NSD2: variants seen among roughly 807,000 people sequenced by gnomAD.
The protein encoded by NSD2 is nuclear receptor binding SET domain protein 2, also known as histone-lysine N-methyltransferase NSD2.
In NSD2, 12 loss-of-function variants were observed where a neutral mutation model predicts 139.0. The ratio of observed to expected loss-of-function variants is 0.09; its 90% CI spans 0.06 to 0.14. The LOEUF is 0.14. NSD2 is among the 10% of genes least tolerant of loss of function. The pLI is 1.00. For synonymous variants in NSD2, 669 were observed against 648.7 expected, an observed-to-expected ratio of 1.03 and a Z score of -0.48; for missense variants, 1,155 against 1,745.0, an observed-to-expected ratio of 0.66 and a Z score of 6.02.
In NSD2 at chr4:1,978,443, A is replaced by G. The variant is rs1727358754; in HGVS notation, c.3827-195A>G. ...GGTGGTCCTTAGGGGCCTGGCAGGT[A>G]CTGTGGAGTCAACAGGCCCTGCCAG... On this transcript the variant is annotated intron_variant, in intron 21 of 21. Transcript: ENST00000508803. Among the ~76,000 whole-genome samples the G allele has an allele frequency of 2.6e-5, 4 of 152,184 alleles. No individual in the cohort carries two copies. The South Asian group carries it at 6.2e-4, about 24-fold the overall frequency.
At chr4:1,881,343 A>G (rs567476763) in intron 1 of NSD2, among the ~76,000 whole-genome samples, 49 of 151,946 alleles carry the variant, frequency 3.2e-4, no homozygotes, top group African/African-American at 1.2e-3. Flanking sequence ...GCTCACTGCA[A>G]CCTCCGCCTC....
intron 18 of NSD2, among the ~76,000 whole-genome samples, chr4:1,966,671 A>G (rs1394313524): frequency 2.0e-5 from 3 of 151,966 alleles, no homozygotes; most frequent in Non-Finnish European, 2.9e-5. Flanking sequence ...AAAAAAAAAA[A>G]AAGAGACATA....
Position 1,878,327 on chromosome 4 carries a change from C to T in NSD2, c.-30+6785C>T, listed in dbSNP as rs528754600. Among the ~76,000 whole-genome samples, 792 of 133,538 alleles carry T rather than the reference C, an allele frequency of 5.9e-3. 9 individuals are homozygous for T. Among genetic ancestry groups the T allele is most frequent in the African/African-American group, 0.021 (756 of 35,250 alleles). The allele number at this position is 133,538 out of a possible 152,430, so 87.6% of individuals were successfully genotyped here. On this transcript the variant is annotated intron_variant, in intron 1 of 21. Coordinates refer to ENST00000508803, the MANE Select transcript of NSD2 (RefSeq NM_001042424.3). ...TAGGCCATGTTGGCCAGGCTGGTCT[C>T]GAACTCCTGACCTCAAGTGATCTGC...
chr4:1,905,084 C>T (rs1047940702), intron 3 of NSD2, among the ~76,000 whole-genome samples: 3 of 152,016 alleles, frequency 2.0e-5, no homozygotes, highest in East Asian at 1.9e-4. Flanking sequence ...GAGCCGAGAT[C>T]GCGCCATTGC....
At chr4:1,899,970 A>T (rs549224019) in intron 1 of NSD2, among the ~76,000 whole-genome samples, 39 of 152,228 alleles carry the variant, frequency 2.6e-4, no homozygotes, top group Non-Finnish European at 4.9e-4. Context: ...TGGGTTGAGC[A>T]TAGCCAGACC....
At chr4:1,898,433 GGC>G (rs1354262554) in intron 1 of NSD2, among the ~76,000 whole-genome samples, 1 of 152,168 alleles carries the variant, frequency 6.6e-6, no homozygotes, top group Non-Finnish European at 1.5e-5. Flanking sequence ...GGGAGGCCAA[GGC>G]GGGCGGATCA....
chr4:1,941,816 T>G, intron 9 of NSD2: 1 of 1,052,708 alleles, frequency 9.5e-7, no homozygotes. Flanking sequence ...ACAAATAAAC[T>G]TGTCTATTAT....
chr4:1,978,687 G>C lies in NSD2; in HGVS notation c.3876G>C (p.Ser1292=). Residue 1292 remains serine, a synonymous_variant, in exon 22 of 22, where the codon TCG becomes TCC. Transcript: ENST00000508803. Reference sequence around the variant, plus strand: ...ATTGTGACGTGTGTGGCAAACCTTCGACTTCATTTTGCCACCTCTGCCCCA... The same window carrying C: ...ATTGTGACGTGTGTGGCAAACCTTCCACTTCATTTTGCCACCTCTGCCCCA... ...WHHCDVCGKP[S]TSFCHLCPNS... is the part of the protein sequence containing the mutation. The C allele has an allele frequency of 6.2e-7, 1 of 1,613,998 alleles. No individual in the cohort carries two copies. Among genetic ancestry groups the C allele is most frequent in the African/African-American group, 1.3e-5 (1 of 75,054 alleles).
intron 6 of NSD2, among the ~76,000 whole-genome samples, chr4:1,933,514 C>T (rs1025489809): frequency 9.2e-5 from 14 of 152,204 alleles, no homozygotes; most frequent in African/African-American, 2.6e-4. Flanking sequence ...CTCAGCCTCC[C>T]GAGTAGCTGG....
In NSD2 at chr4:1,879,824, T is replaced by TTGTGTGTGTGTGTG. The variant is rs140755867; in HGVS notation, c.-30+8304_-30+8317dup. On this transcript the variant is annotated intron_variant, in intron 1 of 21. Coordinates refer to ENST00000508803, the MANE Select transcript of NSD2 (RefSeq NM_001042424.3). ...GTTGCAGACCCTGGGCCCATGGCAC[T>TTGTGTGTGTGTGTG]TGTGTGTGTGTGTGTGTGTGTGTGT... 8.9e-4 allele frequency among the ~76,000 whole-genome samples: 129 copies of TTGTGTGTGTGTGTG among 144,154 alleles called. 1 individual carries two copies. The highest frequency in any genetic ancestry group is 3.1e-3 in the African/African-American group (120 of 39,078). 94.6% of individuals were successfully genotyped at this position (144,154 alleles called of 152,430 possible).
chr4:1,946,666 T>C lies in NSD2; in HGVS notation c.1882-4406T>C, dbSNP rs566537546. On this transcript the variant is annotated intron_variant, in intron 9 of 21. Coordinates refer to ENST00000508803, the MANE Select transcript of NSD2 (RefSeq NM_001042424.3). ...TCCCTTTGGGTACCATTTTTATTGT[T>C]TTATGTAGAATGTTAGAAATTACCA... 5.8e-6 allele frequency: 6 copies of C among 1,036,824 alleles called. No individual in the cohort carries two copies. The African/African-American group carries it at 8.4e-5, about 14-fold the overall frequency. The allele number at this position is 1,036,824 out of a possible 1,614,324, so 64.2% of individuals were successfully genotyped here. A position where few individuals can be genotyped will look rare whatever the true frequency, so the allele number is the denominator to read the frequency against.
intron 6 of NSD2, among the ~76,000 whole-genome samples, chr4:1,932,053 C>T (rs1288474914): frequency 1.3e-5 from 2 of 152,134 alleles, no homozygotes; most frequent in Non-Finnish European, 2.9e-5. Context: ...CTTGGGTGTC[C>T]TTTAATCCTG....
intron 1 of NSD2, among the ~76,000 whole-genome samples, chr4:1,885,051 A>G (rs1168943799): frequency 2.6e-5 from 4 of 152,006 alleles, no homozygotes; most frequent in African/African-American, 9.7e-5. Flanking sequence ...CGGAGGTTGC[A>G]GTGAGCCGAG....
rs1717117477 is a variant in NSD2 at position 1,901,184 on chromosome 4, C to G, written c.530C>G (p.Ser177Cys). 1 of 1,612,168 alleles carries G rather than the reference C, an allele frequency of 6.2e-7. No homozygotes were observed. The highest frequency in any genetic ancestry group is 8.5e-7 in the Non-Finnish European group (1 of 1,179,306). The change falls in exon 2 of 22, where the codon TCC (serine) becomes TGC (cysteine). Residue 177 changes from serine to cysteine, a missense_variant. Physicochemically the swap from Ser to Cys is moderately radical, Grantham distance 112. Around this residue, in one of 8 missense-constraint regions of NSD2, gnomAD observed 246 missense variants for 262.8 expected, o/e 0.94. Transcript: ENST00000508803. The stretch of plus-strand genomic sequence containing the variant: ...AGGAAGAGGAGCATAAAATATGACT[C>G]CTTGCTGGAGCAGGGCCTTGTCGAA... ...RNRKRSIKYD[S>C]LLEQGLVEAA...
chr4:1,941,795 A>G (rs1723125808), intron 9 of NSD2: 7 of 1,050,704 alleles, frequency 6.7e-6, no homozygotes, highest in Non-Finnish European at 6.9e-6. Flanking sequence ...TGTTAAAACT[A>G]CTTTAGGTGA....
At chr4:1,888,614 T>A (rs988394585) in intron 1 of NSD2, among the ~76,000 whole-genome samples, 2 of 152,030 alleles carry the variant, frequency 1.3e-5, no homozygotes, top group Non-Finnish European at 2.9e-5. Context: ...TCACCCAGGC[T>A]GGATTGCAGT....
chr4:1,977,183 G>A (rs28649542), intron 21 of NSD2, among the ~76,000 whole-genome samples: 80 of 152,368 alleles, frequency 5.3e-4, no homozygotes, highest in African/African-American at 1.4e-3. Context: ...AGGCTCCGCC[G>A]GTTGACGAAG....
At chr4:1,913,247 G>T (rs1011532443) in intron 3 of NSD2, among the ~76,000 whole-genome samples, 1 of 152,214 alleles carries the variant, frequency 6.6e-6, no homozygotes, top group Non-Finnish European at 1.5e-5. Context: ...GCCTGGGAAG[G>T]CACCTGTTAC....
chr4:1,901,382 GC>G, intron 2 of NSD2, 131 bp downstream of exon 2: 1 of 812,008 alleles, frequency 1.2e-6, no homozygotes, highest in Non-Finnish European at 1.9e-6. Flanking sequence ...CCAGCCACTT[GC>G]CTGAGCCCTG....
Sources: gnomAD v4.1 joint callset for allele counts (sites outside exome capture counted in the v4.1 genomes callset) on GRCh38, gnomAD v4.1.1 for gene constraint, gnomAD v4.1.1 regional missense constraint, MANE v1.5 for transcripts, NCBI Gene and HGNC (gene_info 2026-07-23, HGNC 2026-07-21) for gene names.